SNTG1: variants seen among roughly 807,000 people sequenced by gnomAD.
SNTG1 encodes the protein gamma-1-syntrophin.
Under a neutral mutation model 74.7 loss-of-function variants are expected in SNTG1, and 39 were observed. The ratio of observed to expected loss-of-function variants is 0.52; its 90% confidence interval spans 0.40 to 0.68. The LOEUF (loss-of-function observed/expected upper bound fraction) is 0.68. Among genes scored for constraint, SNTG1 ranks in the 30% least tolerant of loss-of-function variants. The pLI, the probability that SNTG1 is intolerant of heterozygous loss-of-function variation, is 0.00. For synonymous variants in SNTG1, 254 were observed against 217.1 expected, an observed-to-expected ratio of 1.17 and a Z score of -1.49; for missense variants, 685 against 609.5, an observed-to-expected ratio of 1.12 and a Z score of -1.30.
chr8:50,450,268 A>C (rs1056972314), intron 6 of SNTG1, among the ~76,000 whole-genome samples: 4 of 152,220 alleles, frequency 2.6e-5, no homozygotes, highest in African/African-American at 9.6e-5. Context: ...TAATAATCTT[A>C]AGTGCGTGAG....
intron 18 of SNTG1, among the ~76,000 whole-genome samples, chr8:50,788,447 G>A (rs1173052561): frequency 6.6e-6 from 1 of 152,120 alleles, no homozygotes; most frequent in South Asian, 2.1e-4. Flanking sequence ...TGTAGATGAT[G>A]ACTTAGTTGG....
At chr8:50,767,728 T>C (rs2095617307) in intron 18 of SNTG1, among the ~76,000 whole-genome samples, 1 of 151,998 alleles carries the variant, frequency 6.6e-6, no homozygotes, top group Admixed American at 6.6e-5. Context: ...CTCATAGTCA[T>C]TTATAACTAA....
rs547873160 is a variant in SNTG1 at position 50,111,171 on chromosome 8, C to A, written c.-102-61390C>A. Among the ~76,000 whole-genome samples, 15 of 152,200 alleles carry A rather than the reference C, an allele frequency of 9.9e-5. No homozygotes were observed. In the East Asian group the frequency reaches 2.7e-3, roughly 27 times the overall value. ...ATTTTTGTTGTCATCGCCTTACTCTCCTAGCTCCCTCACACTTGCTTCCTG... is the reference window on the plus strand; with the variant it reads ...ATTTTTGTTGTCATCGCCTTACTCTACTAGCTCCCTCACACTTGCTTCCTG... On this transcript the variant is annotated intron_variant, in intron 1 of 18. Coordinates refer to ENST00000642720, the MANE Select transcript of SNTG1 (RefSeq NM_018967.5).
chr8:50,538,287 A>T (rs907599219), intron 11 of SNTG1, among the ~76,000 whole-genome samples: 2 of 152,148 alleles, frequency 1.3e-5, no homozygotes, highest in Admixed American at 1.3e-4. Flanking sequence ...CAACCATCAA[A>T]TAAGATTTTA....
At chr8:50,676,056 C>G (rs752899526) in intron 15 of SNTG1, among the ~76,000 whole-genome samples, 5 of 151,880 alleles carry the variant, frequency 3.3e-5, no homozygotes, top group Non-Finnish European at 7.4e-5. Context: ...CTCTGGCTGC[C>G]CTTAGCAGTT....
chr8:50,753,390 G>C (rs1349058223), intron 18 of SNTG1, among the ~76,000 whole-genome samples: 1 of 151,840 alleles, frequency 6.6e-6, no homozygotes, highest in Admixed American at 6.6e-5. Flanking sequence ...TTTTAATACT[G>C]GTGAAAGATG....
intron 1 of SNTG1, among the ~76,000 whole-genome samples, chr8:49,940,303 A>G (rs2129373874): frequency 6.6e-6 from 1 of 152,306 alleles, no homozygotes; most frequent in Middle Eastern, 3.4e-3. Context: ...CGGTATTGTA[A>G]TCACATATCT....
chr8:50,491,875 C>A (rs545549148), intron 8 of SNTG1, among the ~76,000 whole-genome samples: 6 of 71,038 alleles, frequency 8.4e-5, no homozygotes, highest in African/African-American at 3.2e-4. Flanking sequence ...TATTCCTCCC[C>A]TAGCTCCCCC....
chr8:50,342,612 A>G (rs2091350872), intron 2 of SNTG1, among the ~76,000 whole-genome samples: 1 of 152,214 alleles, frequency 6.6e-6, no homozygotes, highest in Non-Finnish European at 1.5e-5. Context: ...ATCATGTTAC[A>G]TTCTAGGTTT....
intron 2 of SNTG1, among the ~76,000 whole-genome samples, chr8:50,293,478 C>T (rs929725899): frequency 2.7e-5 from 4 of 150,580 alleles, no homozygotes; most frequent in Non-Finnish European, 5.9e-5. Flanking sequence ...GGCATGATCT[C>T]AGCTCACTGC....
chr8:49,986,439 A>T (rs1451644674), intron 1 of SNTG1, among the ~76,000 whole-genome samples: 1 of 152,196 alleles, frequency 6.6e-6, no homozygotes. Context: ...CACCAGGCAA[A>T]TCATTGGGAT....
At chr8:50,625,201 A>G (rs978615604) in intron 13 of SNTG1, among the ~76,000 whole-genome samples, 1 of 152,212 alleles carries the variant, frequency 6.6e-6, no homozygotes, top group African/African-American at 2.4e-5. Context: ...ATGAAGGTGA[A>G]GAAACTGAGC....
chr8:49,973,173 AC>A (rs907702038), intron 1 of SNTG1, among the ~76,000 whole-genome samples: 4 of 152,206 alleles, frequency 2.6e-5, no homozygotes, highest in African/African-American at 9.7e-5. Flanking sequence ...ACCATGGAAT[AC>A]TATGCAGCCA....
At chr8:50,420,464 A>T (rs980686138) in intron 4 of SNTG1, among the ~76,000 whole-genome samples, 5 of 152,176 alleles carry the variant, frequency 3.3e-5, no homozygotes, top group African/African-American at 1.2e-4. Flanking sequence ...TCAAGACATC[A>T]TAAGATATAA....
chr8:50,177,529 G>C (rs1179083587), intron 2 of SNTG1, among the ~76,000 whole-genome samples: 1 of 152,146 alleles, frequency 6.6e-6, no homozygotes, highest in South Asian at 2.1e-4. Context: ...GCTCCAACCC[G>C]TGGGACACAC....
intron 15 of SNTG1, among the ~76,000 whole-genome samples, chr8:50,680,039 C>T (rs547034563): frequency 6.6e-6 from 1 of 152,192 alleles, no homozygotes; most frequent in African/African-American, 2.4e-5. Context: ...TAGCCTTGGC[C>T]TGTTAACCCT....
intron 2 of SNTG1, among the ~76,000 whole-genome samples, chr8:50,205,496 CA>C (rs1443044230): frequency 2.6e-5 from 4 of 152,134 alleles, no homozygotes; most frequent in African/African-American, 9.7e-5. Flanking sequence ...GGGTAGATTG[CA>C]AAAATTTTCT....
chr8:49,978,146 T>C (rs1812358317), intron 1 of SNTG1, among the ~76,000 whole-genome samples: 1 of 152,134 alleles, frequency 6.6e-6, no homozygotes. Context: ...CTTTCTGCCT[T>C]TCTACAGTAA....
At chr8:50,698,574 C>T (rs1392614711) in intron 15 of SNTG1, among the ~76,000 whole-genome samples, 4 of 152,168 alleles carry the variant, frequency 2.6e-5, no homozygotes, top group Admixed American at 2.6e-4. Flanking sequence ...GCTGTGGGAA[C>T]CTCTTCCCTG....
Sources: gnomAD v4.1 joint callset for allele counts (sites outside exome capture counted in the v4.1 genomes callset) on GRCh38, gnomAD v4.1.1 for gene constraint, MANE v1.5 for transcripts, NCBI Gene and HGNC (gene_info 2026-07-23, HGNC 2026-07-21) for gene names.